The following PRKD1 variants were observed in gnomAD, a reference collection of about 807,000 sequenced individuals.
PRKD1 encodes the protein serine/threonine-protein kinase D1.
Under a neutral mutation model 95.9 loss-of-function variants are expected in PRKD1, and 63 were observed. The observed-to-expected ratio is 0.66, with a 90% CI of 0.54 to 0.81. The LOEUF is 0.81. Among genes scored for constraint, PRKD1 ranks in the 30% least tolerant of loss-of-function variants. The probability of loss-of-function intolerance (pLI) is 0.00; values close to 1 mark genes in which losing one functional copy is unlikely to be tolerated. For synonymous variants in PRKD1, 425 were observed against 423.1 expected (o/e 1.00, Z -0.05); for missense variants, 1,048 against 1,165.3 (o/e 0.90, Z 1.47).
intron 1 of PRKD1, among the ~76,000 whole-genome samples, chr14:29,913,796 T>C (rs1469555623): frequency 6.6e-6 from 1 of 152,198 alleles, no homozygotes; most frequent in Non-Finnish European, 1.5e-5. Context: ...ACGCCCTGTG[T>C]CCAACTAGCT....
At position 29,632,906 on chromosome 14, in the gene PRKD1, G is replaced by C. The variant is rs769559001; in HGVS notation, c.1355C>G (p.Thr452Ser). The part of the protein sequence containing the change: ...HYWRLDSKCI[T>S]LFQNDTGSRY... The stretch of plus-strand genomic sequence containing the variant: ...GCTTCCTGTGTCATTCTGAAAGAGG[G>C]TAATACATTTGCTATCCAATCTCCA... The change falls in exon 9 of 18, where the codon ACC becomes AGC. Residue 452 changes from threonine to serine, a missense_variant. Physicochemically the swap from Thr to Ser is moderately conservative, Grantham distance 58. This residue lies in a region of PRKD1 where 739 missense variants were observed against 861.9 expected (regional missense o/e 0.86). Coordinates refer to ENST00000331968, the MANE Select transcript of PRKD1 (RefSeq NM_002742.3). The C allele has an allele frequency of 1.2e-6, 2 of 1,613,718 alleles. No individual in the cohort carries two copies. The highest frequency in any genetic ancestry group is 1.7e-6 in the Non-Finnish European group (2 of 1,179,666).
At chr14:29,667,250 C>T (rs188500312) in intron 2 of PRKD1, among the ~76,000 whole-genome samples, 135 of 152,224 alleles carry the variant, frequency 8.9e-4, no homozygotes, top group African/African-American at 3.2e-3. Context: ...CTCAGTTTCT[C>T]ATACCTAAAA....
intron 1 of PRKD1, among the ~76,000 whole-genome samples, chr14:29,815,622 T>C (rs775586849): frequency 6.6e-6 from 1 of 152,252 alleles, no homozygotes; most frequent in Non-Finnish European, 1.5e-5. Context: ...CCTTTCTGGA[T>C]AGTGGAACAT....
At chr14:29,630,115 C>A (rs1879896453) in intron 10 of PRKD1, among the ~76,000 whole-genome samples, 1 of 151,380 alleles carries the variant, frequency 6.6e-6, no homozygotes, top group Admixed American at 6.6e-5. Flanking sequence ...CTCTTGCATT[C>A]CATGTCAAGC....
chr14:29,914,420 A>C (rs886868007), intron 1 of PRKD1, among the ~76,000 whole-genome samples: 2 of 152,240 alleles, frequency 1.3e-5, no homozygotes, highest in Admixed American at 1.3e-4. Context: ...ATATTTGTGA[A>C]GAATGACCCT....
At chr14:29,718,476 T>C (rs1188535859) in intron 2 of PRKD1, among the ~76,000 whole-genome samples, 5 of 152,146 alleles carry the variant, frequency 3.3e-5, no homozygotes, top group African/African-American at 4.8e-5. Context: ...GTAGTATCTT[T>C]ATAGCAGTGT....
intron 2 of PRKD1, among the ~76,000 whole-genome samples, chr14:29,682,987 T>C (rs1224868916): frequency 6.6e-6 from 1 of 152,134 alleles, no homozygotes; most frequent in African/African-American, 2.4e-5. Flanking sequence ...AGGCCTTGTG[T>C]AGAGAGGCCT....
At chr14:29,776,994 ATTC>A (rs1888793129) in intron 1 of PRKD1, among the ~76,000 whole-genome samples, 2 of 152,236 alleles carry the variant, frequency 1.3e-5, no homozygotes, top group Non-Finnish European at 2.9e-5. Flanking sequence ...AATATTCAAC[ATTC>A]TTAAAGAAAA....
chr14:29,872,311 C>A (rs45604131), intron 1 of PRKD1, among the ~76,000 whole-genome samples: 7,746 of 152,190 alleles, frequency 0.051, 686 homozygotes, highest in African/African-American at 0.17. Flanking sequence ...TTTAAACATT[C>A]TTAAATAATT....
intron 1 of PRKD1, among the ~76,000 whole-genome samples, chr14:29,729,641 T>G (rs982473492): frequency 1.3e-5 from 2 of 151,222 alleles, no homozygotes; most frequent in Admixed American, 1.3e-4. Flanking sequence ...TTTCTATACT[T>G]AGTTTCATGG....
intron 1 of PRKD1, among the ~76,000 whole-genome samples, chr14:29,886,795 A>C (rs763249873): frequency 2.0e-5 from 3 of 152,228 alleles, no homozygotes; most frequent in Non-Finnish European, 2.9e-5. Context: ...AACTGACCAA[A>C]AGGTAGACTG....
chr14:29,822,997 T>C (rs1480604113), intron 1 of PRKD1, among the ~76,000 whole-genome samples: 1 of 152,192 alleles, frequency 6.6e-6, no homozygotes, highest in Non-Finnish European at 1.5e-5. Flanking sequence ...TTGGAAACAA[T>C]GCAGCCAGGT....
intron 1 of PRKD1, among the ~76,000 whole-genome samples, chr14:29,745,423 A>G (rs12896362): frequency 0.15 from 22,456 of 152,214 alleles, 1,991 homozygotes; most frequent in South Asian, 0.22. Flanking sequence ...ATAAGTCACA[A>G]CGTGAGCTGT....
At chr14:29,912,159 T>G (rs1326676167) in intron 1 of PRKD1, among the ~76,000 whole-genome samples, 1 of 152,204 alleles carries the variant, frequency 6.6e-6, no homozygotes, top group Non-Finnish European at 1.5e-5. Context: ...GATAACACAG[T>G]ATCATCTCCC....
intron 1 of PRKD1, among the ~76,000 whole-genome samples, chr14:29,727,100 G>A (rs1176778194): frequency 1.3e-5 from 2 of 152,084 alleles, no homozygotes; most frequent in Admixed American, 6.6e-5. Context: ...TCTAACTGGT[G>A]TGTAATGATA....
chr14:29,622,401 T>TTTCCTTCC (rs1879332391), intron 13 of PRKD1, among the ~76,000 whole-genome samples: 3 of 98,850 alleles, frequency 3.0e-5, no homozygotes. Context: ...TCCTTCCTTC[T>TTTCCTTCC]GTTTTTATTA....
chr14:29,896,549 G>A (rs902895321), intron 1 of PRKD1, among the ~76,000 whole-genome samples: 6 of 151,848 alleles, frequency 4.0e-5, no homozygotes, highest in East Asian at 1.9e-4. Context: ...TGCCTGCATC[G>A]GCAAAAAAAT....
chr14:29,816,427 T>C (rs73259580), intron 1 of PRKD1, among the ~76,000 whole-genome samples: 6,441 of 152,260 alleles, frequency 0.042, 234 homozygotes, highest in African/African-American at 0.095. Context: ...AGGGAGATGA[T>C]TTCATTGTTT....
At chr14:29,601,500 C>T (rs546778932) in intron 13 of PRKD1, among the ~76,000 whole-genome samples, 4 of 152,246 alleles carry the variant, frequency 2.6e-5, no homozygotes, top group East Asian at 1.9e-4. Context: ...TTCTTCAAAC[C>T]GTTGCACTGT....
Sources: gnomAD v4.1 joint callset for allele counts (sites outside exome capture counted in the v4.1 genomes callset) on GRCh38, gnomAD v4.1.1 for gene constraint, gnomAD v4.1.1 regional missense constraint, MANE v1.5 for transcripts, NCBI Gene and HGNC (gene_info 2026-07-23, HGNC 2026-07-21) for gene names.